TSPEAR: variants seen among roughly 807,000 people sequenced by gnomAD.
TSPEAR encodes thrombospondin-type laminin G domain and EAR repeat-containing protein.
Under a neutral mutation model 71.6 loss-of-function variants are expected in TSPEAR, and 69 were observed. The ratio of observed to expected loss-of-function variants is 0.96; its 90% CI spans 0.79 to 1.18. TSPEAR has a LOEUF of 1.18. Among genes scored for constraint, TSPEAR ranks in the 50% most tolerant of loss-of-function variants. The probability of loss-of-function intolerance (pLI) is 0.00; values close to 1 mark genes in which losing one functional copy is unlikely to be tolerated. For missense variants in TSPEAR, 971 were observed against 894.9 expected (o/e 1.09, Z -1.09); for synonymous variants, 402 against 387.2 (o/e 1.04, Z -0.45).
intron 1 of TSPEAR, among the ~76,000 whole-genome samples, chr21:44,614,409 G>C (rs587703649): frequency 1.2e-3 from 180 of 152,376 alleles, no homozygotes; most frequent in African/African-American, 3.3e-3. Context: ...TCCCCAGGGG[G>C]CTGTCAGGGT....
Position 44,674,742 on chromosome 21 carries a change from G to A in TSPEAR, c.82+36691C>T, listed in dbSNP as rs1485301557. Among the ~76,000 whole-genome samples the A allele has an allele frequency of 2.3e-3, 218 of 96,656 alleles. 1 individual carries two copies. Among genetic ancestry groups the A allele is most frequent in the Middle Eastern group, 0.014 (3 of 208 alleles). 63.4% of individuals were successfully genotyped at this position (96,656 alleles called of 152,430 possible). A position where few individuals can be genotyped will look rare whatever the true frequency, so the allele number is the denominator to read the frequency against. ...GACTCTGTCTTTAAAGTGTGTGTGT[G>A]TGTGTGTGTGTGTGTGTGTGTGTGT... On this transcript the variant is annotated intron_variant, in intron 1 of 11. Coordinates refer to ENST00000323084, the MANE Select transcript of TSPEAR (RefSeq NM_144991.3).
At chr21:44,507,884 A>C (rs1601324333) in intron 10 of TSPEAR, among the ~76,000 whole-genome samples, 2 of 152,344 alleles carry the variant, frequency 1.3e-5, no homozygotes, top group East Asian at 1.9e-4. Flanking sequence ...CGCAGGGGCC[A>C]CGGAGCCCAC....
intron 1 of TSPEAR, among the ~76,000 whole-genome samples, chr21:44,614,246 G>A (rs587749884): frequency 4.6e-5 from 7 of 152,336 alleles, no homozygotes; most frequent in East Asian, 3.9e-4. Context: ...CACAGCACAC[G>A]GTCTGAGCTG....
intron 1 of TSPEAR, among the ~76,000 whole-genome samples, chr21:44,685,478 A>G (rs1261308361): frequency 6.6e-6 from 1 of 151,958 alleles, no homozygotes. Flanking sequence ...AGCGAGGGAG[A>G]GGAACCAGAC....
At position 44,558,325 on chromosome 21, in the gene TSPEAR, C is replaced by T. The variant is rs370304129; in HGVS notation, c.303+9460G>A. 1.5e-5 allele frequency: 25 copies of T among 1,613,844 alleles called. No individual in the cohort carries two copies. Among genetic ancestry groups the T allele is most frequent in the African/African-American group, 2.7e-5 (2 of 74,884 alleles). On this transcript the variant is annotated intron_variant, in intron 2 of 11. Transcript: ENST00000323084. ...TGCTGGCAGCATGAAGAGGAAGCCCCAGAGCAGACGGGCACACAGCAGATG... is the reference window on the plus strand; with the variant it reads ...TGCTGGCAGCATGAAGAGGAAGCCCTAGAGCAGACGGGCACACAGCAGATG...
At chr21:44,644,961 A>G (rs1247381177) in intron 1 of TSPEAR, among the ~76,000 whole-genome samples, 1 of 152,180 alleles carries the variant, frequency 6.6e-6, no homozygotes, top group Admixed American at 6.5e-5. Flanking sequence ...AAAAAATGAC[A>G]AATGACCAGT....
At chr21:44,529,712 G>A in intron 5 of TSPEAR, 86 bp downstream of exon 5, 1 of 1,491,962 alleles carries the variant, frequency 6.7e-7, no homozygotes, top group South Asian at 1.2e-5. Flanking sequence ...GAGGGGCTGA[G>A]AGCTGAGCCC....
Position 44,522,211 on chromosome 21 carries a change from AC to A in TSPEAR, c.1337-100del, listed in dbSNP as rs2052749512. The A allele has an allele frequency of 2.4e-6, 3 of 1,241,542 alleles. No homozygotes were observed. The Admixed American group carries it at 5.3e-5, about 22-fold the overall frequency. The allele number at this position is 1,241,542 out of a possible 1,614,324, so 76.9% of individuals were successfully genotyped here. On this transcript the variant is annotated intron_variant, in intron 8 of 11. Coordinates refer to ENST00000323084, the MANE Select transcript of TSPEAR (RefSeq NM_144991.3). ...GCCCAGTCCAAGTCCCTCCCCGAGG[AC>A]CGAAGACCCACGAGGACAAGGCCAA... is the stretch of plus-strand genomic sequence containing the variant.
At chr21:44,624,823 A>G (rs1982664647) in intron 1 of TSPEAR, among the ~76,000 whole-genome samples, 1 of 152,256 alleles carries the variant, frequency 6.6e-6, no homozygotes, top group Non-Finnish European at 1.5e-5. Context: ...TGCCTCAATA[A>G]GAAAATCCAG....
intron 9 of TSPEAR, among the ~76,000 whole-genome samples, chr21:44,521,065 G>A (rs1555914184): frequency 6.6e-6 from 1 of 152,218 alleles, no homozygotes; most frequent in African/African-American, 2.4e-5. Context: ...GCAGGGGAAT[G>A]AGTCGCCAGG....
chr21:44,650,979 C>T (rs1228025347), intron 1 of TSPEAR, among the ~76,000 whole-genome samples: 2 of 152,168 alleles, frequency 1.3e-5, no homozygotes, highest in African/African-American at 4.8e-5. Context: ...TGATGGTCCC[C>T]CAGGTCCAGG....
chr21:44,710,338 T>C lies in TSPEAR; in HGVS notation c.82+1095A>G, dbSNP rs1653794372. On this transcript the variant is annotated intron_variant, in intron 1 of 11. Coordinates refer to ENST00000323084, the MANE Select transcript of TSPEAR (RefSeq NM_144991.3). The surrounding 1 kb of genome is among the most constrained non-coding windows in gnomAD (Gnocchi z 4.6). ...ATGGTTCCAGCACGGAAGGTCTACC[T>C]ACCTCCCACTGCACAGCCCGAGGGC... Among the ~76,000 whole-genome samples, 1 of 152,096 alleles carries C rather than the reference T, an allele frequency of 6.6e-6. No homozygotes were observed. Among genetic ancestry groups the C allele is most frequent in the Admixed American group, 6.5e-5 (1 of 15,282 alleles).
intron 1 of TSPEAR, among the ~76,000 whole-genome samples, chr21:44,684,135 C>T (rs973402665): frequency 9.9e-5 from 15 of 152,198 alleles, no homozygotes; most frequent in African/African-American, 3.4e-4. Context: ...ATAAGAAAAA[C>T]GCCCTGGCTT....
At chr21:44,709,378 T>C (rs780686288) in intron 1 of TSPEAR, among the ~76,000 whole-genome samples, 2 of 152,228 alleles carry the variant, frequency 1.3e-5, no homozygotes, top group Non-Finnish European at 2.9e-5. Context: ...AGGCTTGTCC[T>C]CCCTTGCTGC....
chr21:44,637,384 C>T lies in TSPEAR; in HGVS notation c.83-69379G>A. ...TCACTCACACACTCACTCACTCACACACCTCCCCCAGCTCACCGCCTCCCC... is the reference window on the plus strand; with the variant it reads ...TCACTCACACACTCACTCACTCACATACCTCCCCCAGCTCACCGCCTCCCC... On this transcript the variant is annotated intron_variant, in intron 1 of 11. Transcript: ENST00000323084. The T allele has an allele frequency of 2.5e-6, 4 of 1,583,596 alleles. No individual in the cohort carries two copies. In the South Asian group the frequency reaches 3.6e-5, roughly 14 times the overall value.
intron 1 of TSPEAR, among the ~76,000 whole-genome samples, chr21:44,675,667 G>A (rs1161464143): frequency 4.6e-5 from 7 of 152,146 alleles, no homozygotes; most frequent in African/African-American, 1.7e-4. Context: ...TGTTACACGA[G>A]TTGCAAAGAA....
chr21:44,704,076 G>A (rs2146333867), intron 1 of TSPEAR, among the ~76,000 whole-genome samples: 1 of 152,338 alleles, frequency 6.6e-6, no homozygotes, highest in Middle Eastern at 3.4e-3. Flanking sequence ...AATTGGGCCA[G>A]CTTTTCCAGT....
intron 1 of TSPEAR, chr21:44,579,642 G>A (rs1569198454): frequency 1.1e-5 from 14 of 1,230,882 alleles, no homozygotes; most frequent in East Asian, 4.8e-5. Context: ...TGGAGGGGGG[G>A]GTCACCTCAG....
chr21:44,678,030 A>AGAGTTGTCTCTATGGGAAGT, intron 1 of TSPEAR: 1 of 794,782 alleles, frequency 1.3e-6, no homozygotes, highest in Non-Finnish European at 2.2e-6. Flanking sequence ...CTAACTTCCC[A>AGAGTTGTCTCTATGGGAAGT]TAGAGACAAC....
Sources: allele counts gnomAD v4.1 joint callset (sites outside exome capture counted in the v4.1 genomes callset), GRCh38; gene constraint gnomAD v4.1.1; non-coding constraint Gnocchi (gnomAD v3.1); transcripts MANE v1.5; gene names NCBI Gene and HGNC (gene_info 2026-07-23, HGNC 2026-07-21).